The following BRCA2 variants were observed in gnomAD, a reference collection of about 807,000 sequenced individuals.
BRCA2 encodes breast cancer type 2 susceptibility protein.
BRCA2 carries 203 observed loss-of-function variants against 276.7 expected under a neutral mutation model. The ratio of observed to expected loss-of-function variants is 0.73; its 90% confidence interval spans 0.65 to 0.82. The LOEUF (loss-of-function observed/expected upper bound fraction) is 0.82, where lower values mean the gene tolerates loss of function less well. Ranked by LOEUF, BRCA2 falls within the 40% of genes least tolerant of loss-of-function variation. The pLI, the probability that BRCA2 is intolerant of heterozygous loss-of-function variation, is 0.00. For synonymous variants in BRCA2, 1,289 were observed against 1,338.4 expected (o/e 0.96, Z 0.81); for missense variants, 3,920 against 3,915.0 (o/e 1.00, Z -0.03).
At chr13:32,372,599 C>G (rs562391718) in intron 20 of BRCA2, among the ~76,000 whole-genome samples, 1 of 152,232 alleles carries the variant, frequency 6.6e-6, no homozygotes, top group South Asian at 2.1e-4. Context: ...ATCCAATCAC[C>G]TCCCACCAGG....
rs781715267 is a variant in BRCA2 at position 32,379,492 on chromosome 13, A to C, written c.8930A>C (p.Tyr2977Ser). Residue 2977 changes from tyrosine to serine, a missense_variant, in exon 22 of 27, where the codon TAT becomes TCT. Transcript: ENST00000380152. Reference protein sequence around the residue: ...TTVWKLRIVSYSKKEKDSVIL... With the variant: ...TTVWKLRIVSSSKKEKDSVIL... The stretch of plus-strand genomic sequence containing the variant: ...GTGTGGAAGTTGCGTATTGTAAGCT[A>C]TTCAAAAAAAGAAAAAGATTCAGGT... The C allele has an allele frequency of 1.9e-6, 3 of 1,613,030 alleles. No homozygotes were observed. Among genetic ancestry groups the C allele is most frequent in the South Asian group, 2.2e-5 (2 of 90,782 alleles).
Position 32,332,387 on chromosome 13 carries a change from T to G in BRCA2, c.909T>G (p.Ser303=), listed in dbSNP as rs757430441. ...TATATGAAACAGTTGTAGATACCTC[T>G]GAAGAAGATAGTTTTTCATTATGTT... ...DEVYETVVDT[S]EEDSFSLCFS... is the part of the protein sequence containing the mutation. The change falls in exon 10 of 27, where the codon TCT becomes TCG. Residue 303 remains serine, a synonymous_variant. Coordinates refer to ENST00000380152, the MANE Select transcript of BRCA2 (RefSeq NM_000059.4). The G allele has an allele frequency of 2.9e-5, 46 of 1,592,312 alleles. No homozygotes were observed. Among genetic ancestry groups the G allele is most frequent in the Non-Finnish European group, 3.8e-5 (44 of 1,169,424 alleles).
intron 20 of BRCA2, among the ~76,000 whole-genome samples, chr13:32,373,236 G>A (rs1254458315): frequency 6.6e-6 from 1 of 151,698 alleles, no homozygotes; most frequent in African/African-American, 2.4e-5. Flanking sequence ...CGCTGGGTGG[G>A]GTGTCTCATT....
In BRCA2 at chr13:32,341,107, A is replaced by G. The variant is rs1555284844; in HGVS notation, c.6752A>G (p.His2251Arg). 2 of 1,614,018 alleles carry G rather than the reference A, an allele frequency of 1.2e-6. No homozygotes were observed. The highest frequency in any genetic ancestry group is 1.1e-5 in the South Asian group (1 of 91,076). ...TCTAAACTGCCAAGTCATGCCACACATTCTCTTTTTACATGTCCCGAAAAT... is the reference window on the plus strand; with the variant it reads ...TCTAAACTGCCAAGTCATGCCACACGTTCTCTTTTTACATGTCCCGAAAAT... ...TDSKLPSHAT[H>R]SLFTCPENEE... The change falls in exon 11 of 27, where the codon CAT (histidine) becomes CGT (arginine). Residue 2251 changes from histidine (H) to arginine (R), a missense_variant. Around this residue, in one of 2 missense-constraint regions of BRCA2, gnomAD observed 3,263 missense variants for 3,156.9 expected, o/e 1.03. Transcript: ENST00000380152.
chr13:32,340,112 G>T lies in BRCA2; in HGVS notation c.5757G>T (p.Lys1919Asn), dbSNP rs1566233164. The T allele has an allele frequency of 2.5e-6, 4 of 1,613,634 alleles. No individual in the cohort carries two copies. The highest frequency in any genetic ancestry group is 3.4e-6 in the Non-Finnish European group (4 of 1,179,772). Reference sequence around the variant, plus strand: ...ATGAATGTAGCACGCATTCACATAAGGTTTTTGCTGACATTCAGAGTGAAG... The same window carrying T: ...ATGAATGTAGCACGCATTCACATAATGTTTTTGCTGACATTCAGAGTGAAG... ...DNDECSTHSH[K>N]VFADIQSEEI... The change falls in exon 11 of 27, where the codon AAG becomes AAT. Residue 1919 changes from lysine (K) to asparagine (N), a missense_variant. By Grantham distance (94) the Lys-to-Asn change is moderately conservative. Around this residue, in one of 2 missense-constraint regions of BRCA2, gnomAD observed 3,263 missense variants for 3,156.9 expected, o/e 1.03. Coordinates refer to ENST00000380152, the MANE Select transcript of BRCA2 (RefSeq NM_000059.4).
chr13:32,337,290 A>G lies in BRCA2; in HGVS notation c.2935A>G (p.Ile979Val), dbSNP rs2072468286. ...QDLKSDISLN[I>V]DKIPEKNNDY... is the part of the protein sequence containing the mutation. ...TTTAAAATCGGACATCTCCTTGAAT[A>G]TAGATAAAATACCAGAAAAAAATAA... is the stretch of plus-strand genomic sequence containing the variant. The change falls in exon 11 of 27, where the codon ATA becomes GTA. Residue 979 changes from isoleucine to valine, a missense_variant. By Grantham distance (29) the Ile-to-Val change is conservative. Around this residue, in one of 2 missense-constraint regions of BRCA2, gnomAD observed 3,263 missense variants for 3,156.9 expected, o/e 1.03. Transcript: ENST00000380152. 6.2e-7 allele frequency: 1 copy of G among 1,612,626 alleles called. No homozygotes were observed. The highest frequency in any genetic ancestry group is 8.5e-7 in the Non-Finnish European group (1 of 1,179,534).
At chr13:32,349,216 C>CAAAAAA (rs55777417) in intron 13 of BRCA2, among the ~76,000 whole-genome samples, 2 of 98,190 alleles carry the variant, frequency 2.0e-5, no homozygotes, top group African/African-American at 4.3e-5. Context: ...GACTCTGTCT[C>CAAAAAA]AAAAAAAAAA....
rs80358588 is a variant in BRCA2 at position 32,337,792 on chromosome 13, A to G, written c.3437A>G (p.Glu1146Gly). 1.9e-6 allele frequency: 3 copies of G among 1,614,072 alleles called. No homozygotes were observed. The highest frequency in any genetic ancestry group is 2.5e-6 in the Non-Finnish European group (3 of 1,179,960). ...CAGAAGAGTACATTTGAAGTGCCTG[A>G]AAACCAGATGACTATCTTAAAGACC... ...ILQKSTFEVPENQMTILKTTS... is the reference protein window; with the variant it reads ...ILQKSTFEVPGNQMTILKTTS... The change falls in exon 11 of 27, where the codon GAA becomes GGA. Residue 1146 changes from glutamate (E) to glycine (G), a missense_variant. Glu to Gly is a moderately conservative substitution (Grantham distance 98). Transcript: ENST00000380152.
intron 18 of BRCA2, among the ~76,000 whole-genome samples, chr13:32,366,868 CAAAA>C (rs35628833): frequency 5.2e-5 from 6 of 116,086 alleles, no homozygotes; most frequent in African/African-American, 1.0e-4. Flanking sequence ...TCAAAAAGAA[CAAAA>C]AAAAAAAAAA....
intron 13 of BRCA2, among the ~76,000 whole-genome samples, chr13:32,351,546 C>T (rs1344804172): frequency 6.6e-6 from 1 of 152,102 alleles, no homozygotes; most frequent in African/African-American, 2.4e-5. Flanking sequence ...GAATTAAATA[C>T]GTAATTTAGG....
chr13:32,326,060 T>G, intron 4 of BRCA2, 41 bp from the exon 5 acceptor site: 1 of 1,562,134 alleles, frequency 6.4e-7, no homozygotes, highest in South Asian at 1.2e-5. Flanking sequence ...TTTTGCCAGT[T>G]TTTTAAAATA....
In BRCA2 at chr13:32,338,137, C is replaced by T. The variant is rs276174836; in HGVS notation, c.3782C>T (p.Ser1261Phe). Residue 1261 changes from serine to phenylalanine, a missense_variant, in exon 11 of 27, where the codon TCT becomes TTT. This residue lies in a region of BRCA2 where 3,263 missense variants were observed against 3,156.9 expected (regional missense o/e 1.03). Coordinates refer to ENST00000380152, the MANE Select transcript of BRCA2 (RefSeq NM_000059.4). ...TSAEVHPISL[S>F]SSKCHDSVVS... ...GCAGAGGTACATCCAATAAGTTTAT[C>T]TTCAAGTAAATGTCATGATTCTGTT... 1 of 1,603,828 alleles carries T rather than the reference C, an allele frequency of 6.2e-7. No homozygotes were observed. Among genetic ancestry groups the T allele is most frequent in the Admixed American group, 1.7e-5 (1 of 58,852 alleles).
chr13:32,382,296 C>T (rs1566254436), intron 24 of BRCA2, among the ~76,000 whole-genome samples: 1 of 152,174 alleles, frequency 6.6e-6, no homozygotes, highest in Non-Finnish European at 1.5e-5. Context: ...GATGAGGTCA[C>T]TGTGGGCATG....
chr13:32,351,443 T>G (rs942249107), intron 13 of BRCA2, among the ~76,000 whole-genome samples: 1 of 152,122 alleles, frequency 6.6e-6, no homozygotes, highest in African/African-American at 2.4e-5. Flanking sequence ...CACACTATCT[T>G]TAAGAACTGT....
rs1555282633 is a variant in BRCA2 at position 32,336,706 on chromosome 13, T to G, written c.2351T>G (p.Met784Arg). Residue 784 changes from methionine to arginine, a missense_variant, in exon 11 of 27, where the codon ATG becomes AGG. This residue lies in a region of BRCA2 where 3,263 missense variants were observed against 3,156.9 expected (regional missense o/e 1.03). Coordinates refer to ENST00000380152, the MANE Select transcript of BRCA2 (RefSeq NM_000059.4). ...AAGGATGTTCTGTCAAACCTAGTCA[T>G]GATTTCTAGAGGCAAAGAATCATAC... Reference protein sequence around the residue: ...TSKDVLSNLVMISRGKESYKM... With the variant: ...TSKDVLSNLVRISRGKESYKM... 1 of 1,614,006 alleles carries G rather than the reference T, an allele frequency of 6.2e-7. No individual in the cohort carries two copies. Among genetic ancestry groups the G allele is most frequent in the Middle Eastern group, 1.7e-4 (1 of 6,060 alleles).
Position 32,379,898 on chromosome 13 carries a change from G to GT in BRCA2, c.9103dup (p.Tyr3035LeufsTer9), listed in dbSNP as rs1555288507. Reference sequence around the variant, plus strand: ...AGTTAGCAGCGACAAAAAAAACTCAGTATCAACAACTACCGGTACAAACCT... The same window carrying GT: ...AGTTAGCAGCGACAAAAAAAACTCAGTTATCAACAACTACCGGTACAAACCT... On this transcript the variant is annotated frameshift_variant, in exon 23 of 27. Coordinates refer to ENST00000380152, the MANE Select transcript of BRCA2 (RefSeq NM_000059.4). LOFTEE classifies it high-confidence loss of function. The GT allele has an allele frequency of 6.2e-7, 1 of 1,613,714 alleles. No homozygotes were observed. Among genetic ancestry groups the GT allele is most frequent in the African/African-American group, 1.3e-5 (1 of 75,036 alleles).
chr13:32,331,712 C>CT lies in BRCA2; in HGVS notation c.794-549dup, dbSNP rs921363938. Among the ~76,000 whole-genome samples the CT allele has an allele frequency of 4.9e-3, 712 of 146,254 alleles. 4 individuals are homozygous for CT. The highest frequency in any genetic ancestry group is 0.016 in the African/African-American group (621 of 40,030). ...AGATATATAATTAACAAAATCTGAG[C>CT]TTTTTTTTTTTCTAATTAGAAAGTA... On this transcript the variant is annotated intron_variant, in intron 9 of 26. Transcript: ENST00000380152.
At chr13:32,373,235 G>C (rs2072846964) in intron 20 of BRCA2, among the ~76,000 whole-genome samples, 2 of 151,638 alleles carry the variant, frequency 1.3e-5, no homozygotes, top group African/African-American at 4.8e-5. Flanking sequence ...TCGCTGGGTG[G>C]GGTGTCTCAT....
intron 11 of BRCA2, among the ~76,000 whole-genome samples, chr13:32,343,402 C>T (rs1436270602): frequency 6.6e-6 from 1 of 152,064 alleles, no homozygotes; most frequent in Non-Finnish European, 1.5e-5. Context: ...TGTCTAGACC[C>T]CATGTATTAC....
Sources: allele counts gnomAD v4.1 joint callset (sites outside exome capture counted in the v4.1 genomes callset), GRCh38; gene constraint gnomAD v4.1.1; regional missense constraint gnomAD v4.1.1; transcripts MANE v1.5; gene names NCBI Gene and HGNC (gene_info 2026-07-23, HGNC 2026-07-21).